Variants in SMARCA2 observed in about 807,000 individuals in gnomAD.
The protein encoded by SMARCA2 is SWI/SNF related BAF chromatin remodeling complex subunit ATPase 2.
Under a neutral mutation model 199.8 loss-of-function variants are expected in SMARCA2, and 61 were observed. The ratio of observed to expected loss-of-function variants is 0.31; its 90% CI spans 0.25 to 0.38. The LOEUF (loss-of-function observed/expected upper bound fraction) is 0.38, where lower values mean the gene tolerates loss of function less well. Ranked by LOEUF, SMARCA2 falls within the 10% of genes least tolerant of loss-of-function variation. The pLI, the probability that SMARCA2 is intolerant of heterozygous loss-of-function variation, is 1.00. For synonymous variants in SMARCA2, 935 were observed against 732.0 expected (o/e 1.28, Z -4.48); for missense variants, 1,344 against 2,012.2 (o/e 0.67, Z 6.35).
chr9:2,042,353 C>G (rs191935593), intron 4 of SMARCA2: 1 of 152,314 alleles, frequency 6.6e-6, no homozygotes, highest in Non-Finnish European at 1.5e-5. Context: ...GTATGATCTG[C>G]TATACCTCAC....
At chr9:2,135,208 T>C (rs1824141058) in intron 27 of SMARCA2, among the ~76,000 whole-genome samples, 1 of 152,178 alleles carries the variant, frequency 6.6e-6, no homozygotes, top group South Asian at 2.1e-4. Context: ...CAGGAGAAGA[T>C]GGATGACACA....
chr9:2,128,362 T>A (rs1420271890), intron 27 of SMARCA2, among the ~76,000 whole-genome samples: 5 of 152,228 alleles, frequency 3.3e-5, no homozygotes, highest in Admixed American at 3.3e-4. Flanking sequence ...AGGCACTAGT[T>A]AGAAGCTGTC....
At chr9:2,097,507 C>G in intron 21 of SMARCA2, 36 bp downstream of exon 21, 2 of 1,144,888 alleles carry the variant, frequency 1.7e-6, no homozygotes, top group Non-Finnish European at 2.6e-6. Flanking sequence ...CCTGATTGTG[C>G]TAATCATACT....
intron 17 of SMARCA2, among the ~76,000 whole-genome samples, chr9:2,085,428 T>C (rs1821759409): frequency 6.6e-6 from 1 of 152,192 alleles, no homozygotes; most frequent in Non-Finnish European, 1.5e-5. Flanking sequence ...AAGACCTAAT[T>C]AGTAGTAGAC....
chr9:2,191,425 G>C lies in SMARCA2; in HGVS notation c.4737+17G>C, dbSNP rs768193917. The stretch of plus-strand genomic sequence containing the variant: ...GATGAACGTGTAAGTGTAGCCGACT[G>C]GGACTGAAGGCGGAGACGCCCTCTC... On this transcript the variant is annotated intron_variant, in intron 33 of 33. Coordinates refer to ENST00000349721, the MANE Select transcript of SMARCA2 (RefSeq NM_003070.5). The C allele has an allele frequency of 1.1e-5, 17 of 1,613,360 alleles. No individual in the cohort carries two copies. The Admixed American group carries it at 2.5e-4, about 24-fold the overall frequency.
At chr9:2,155,431 T>C (rs774089993) in intron 27 of SMARCA2, among the ~76,000 whole-genome samples, 52 of 152,028 alleles carry the variant, frequency 3.4e-4, no homozygotes, top group East Asian at 3.9e-4. Context: ...TACAGGCACG[T>C]GCCACCACAC....
rs766248287 is a variant in SMARCA2 at position 2,081,855 on chromosome 9, T to C, written c.2208T>C (p.Val736=). 1.2e-6 allele frequency: 2 copies of C among 1,614,078 alleles called. No individual in the cohort carries two copies. The highest frequency in any genetic ancestry group is 2.2e-5 in the East Asian group (1 of 44,874). Residue 736 remains valine (V), a synonymous_variant, in exon 15 of 34, where the codon GTT becomes GTC. Transcript: ENST00000349721. ...HYQLQGLEWM[V]SLYNNNLNGI... ...AGCTCCAGGGCCTGGAATGGATGGT[T>C]TCCCTGTATAATAACAACTTGAACG... is the stretch of plus-strand genomic sequence containing the variant.
At chr9:2,160,387 C>T in intron 27 of SMARCA2, 1 of 536,878 alleles carries the variant, frequency 1.9e-6, no homozygotes, top group Admixed American at 3.2e-5. Flanking sequence ...TATGGATTTG[C>T]ACATTGGAGG....
At chr9:2,159,762 C>A (rs1444791958) in intron 27 of SMARCA2, 15 of 1,555,240 alleles carry the variant, frequency 9.6e-6, no homozygotes, top group Non-Finnish European at 1.2e-5. Context: ...AATAAAATTA[C>A]TTGTATATGA....
At position 2,055,024 on chromosome 9, in the gene SMARCA2, G is replaced by A. The variant is rs375075213; in HGVS notation, c.1173+301G>A. ...GATGAAAAACCTTGGGAACAAGTGG[G>A]GTAGCTCATGTTTGCTTTTATGACT... On this transcript the variant is annotated intron_variant, in intron 6 of 33. Transcript: ENST00000349721. Among the ~76,000 whole-genome samples the A allele has an allele frequency of 1.5e-4, 23 of 152,284 alleles. No individual in the cohort carries two copies. In the South Asian group the frequency reaches 3.7e-3, roughly 25 times the overall value.
At chr9:2,184,020 TTTGTCTTTC>T in intron 31 of SMARCA2, among the ~76,000 whole-genome samples, 1 of 152,292 alleles carries the variant, frequency 6.6e-6, no homozygotes, top group Admixed American at 6.5e-5. Context: ...TGGACACTAA[TTTGTCTTTC>T]TCTAGCCACC....
chr9:2,184,747 T>A (rs1184234084), intron 31 of SMARCA2, among the ~76,000 whole-genome samples: 1 of 152,116 alleles, frequency 6.6e-6, no homozygotes, highest in African/African-American at 2.4e-5. Flanking sequence ...TGTTTTCCTT[T>A]CTAAAAAGCC....
At chr9:2,122,816 G>T (rs770079176) in intron 26 of SMARCA2, among the ~76,000 whole-genome samples, 2 of 152,174 alleles carry the variant, frequency 1.3e-5, no homozygotes, top group East Asian at 3.8e-4. Context: ...GACACATCTC[G>T]CTAGTGTTTA....
At position 2,029,026 on chromosome 9, in the gene SMARCA2, T is replaced by G; in HGVS notation, c.4T>G (p.Ser2Ala). 1.3e-6 allele frequency: 2 copies of G among 1,549,486 alleles called. No individual in the cohort carries two copies. The highest frequency in any genetic ancestry group is 2.4e-5 in the South Asian group (2 of 84,108). The change falls in exon 2 of 34, where the codon TCC becomes GCC. Residue 2 changes from serine (S) to alanine (A), a missense_variant. Coordinates refer to ENST00000349721, the MANE Select transcript of SMARCA2 (RefSeq NM_003070.5). M[S>A]TPTDPGAMPH... is the part of the protein sequence containing the mutation. ...CTGGCAGAGACAGGAGAGGTAGATG[T>G]CCACGCCCACAGACCCTGGTGCGAT...
intron 27 of SMARCA2, among the ~76,000 whole-genome samples, chr9:2,130,619 A>T (rs933627924): frequency 7.2e-5 from 11 of 152,160 alleles, no homozygotes; most frequent in African/African-American, 2.7e-4. Flanking sequence ...TAACTTTCCT[A>T]TGGTGTGTGC....
chr9:2,179,862 A>G (rs1826892645), intron 29 of SMARCA2, among the ~76,000 whole-genome samples: 1 of 152,208 alleles, frequency 6.6e-6, no homozygotes, highest in Non-Finnish European at 1.5e-5. Context: ...GCTAGCTGAT[A>G]AAGAATGCTC....
At chr9:2,079,702 C>A (rs1361948788) in intron 14 of SMARCA2, among the ~76,000 whole-genome samples, 4 of 152,198 alleles carry the variant, frequency 2.6e-5, no homozygotes, top group African/African-American at 9.6e-5. Context: ...TGTCATAGTC[C>A]TGAGATCCAA....
rs887557998 is a variant in SMARCA2, at chr9:2,049,115, ATG to A, written c.1046+1634_1046+1635del. Among the ~76,000 whole-genome samples, 6 of 152,146 alleles carry A rather than the reference ATG, an allele frequency of 3.9e-5. No homozygotes were observed. The East Asian group carries it at 7.7e-4, about 20-fold the overall frequency. On this transcript the variant is annotated intron_variant, in intron 5 of 33. Coordinates refer to ENST00000349721, the MANE Select transcript of SMARCA2 (RefSeq NM_003070.5). ...GAATTACCAGTACCTTTGTTAAACT[ATG>A]TGAACTACCCTTAGAAGAGAGATGC...
chr9:2,111,491 C>CAAAA (rs148112929), intron 24 of SMARCA2, among the ~76,000 whole-genome samples: 8 of 86,970 alleles, frequency 9.2e-5, no homozygotes, highest in East Asian at 2.8e-4. Context: ...GACCGTGTCT[C>CAAAA]AAAAAAAAAA....
Sources: allele counts gnomAD v4.1 joint callset (sites outside exome capture counted in the v4.1 genomes callset), GRCh38; gene constraint gnomAD v4.1.1; transcripts MANE v1.5; gene names NCBI Gene and HGNC (gene_info 2026-07-23, HGNC 2026-07-21).